Variants in COL26A1 observed in about 807,000 individuals in gnomAD.
COL26A1 encodes collagen type XXVI alpha 1 chain.
A neutral mutation model predicts 59.3 loss-of-function variants in COL26A1; 41 were observed. That is an observed-to-expected ratio of 0.69 (90% CI 0.54 to 0.90). The LOEUF is 0.90. Ranked by LOEUF, COL26A1 falls within the 40% of genes least tolerant of loss-of-function variation. The pLI, the probability that COL26A1 is intolerant of heterozygous loss-of-function variation, is 0.00. For synonymous variants in COL26A1, 266 were observed against 256.0 expected (o/e 1.04, Z -0.37); for missense variants, 612 against 602.3 (o/e 1.02, Z -0.17).
At chr7:101,514,425 G>A (rs1794987246) in intron 3 of COL26A1, among the ~76,000 whole-genome samples, 2 of 152,224 alleles carry the variant, frequency 1.3e-5, no homozygotes, top group Non-Finnish European at 1.5e-5. Flanking sequence ...CAGAGCTGCT[G>A]AGGTTTTGGA....
intron 3 of COL26A1, among the ~76,000 whole-genome samples, chr7:101,480,175 C>G (rs1402767628): frequency 6.6e-6 from 1 of 152,124 alleles, no homozygotes; most frequent in African/African-American, 2.4e-5. Context: ...TTCTCTCATT[C>G]TATCCTCTGA....
At position 101,363,120 on chromosome 7, in the gene COL26A1, G is replaced by A. The variant is rs753615515; in HGVS notation, c.88G>A (p.Ala30Thr). Residue 30 changes from alanine to threonine, a missense_variant, in exon 1 of 13, where the codon GCA becomes ACA. Transcript: ENST00000313669. Reference protein sequence around the residue: ...ATGFLYPFSAAALQQHGYPEP... With the variant: ...ATGFLYPFSATALQQHGYPEP... Reference sequence around the variant, plus strand: ...CGGCTTCCTCTATCCCTTCTCGGCCGCAGCTCTGCAGCAGCACGGCTACCC... The same window carrying A: ...CGGCTTCCTCTATCCCTTCTCGGCCACAGCTCTGCAGCAGCACGGCTACCC... The A allele has an allele frequency of 6.5e-6, 10 of 1,537,608 alleles. No homozygotes were observed. In the South Asian group the frequency reaches 7.2e-5, roughly 11 times the overall value.
At chr7:101,518,273 G>A (rs1795071854) in intron 3 of COL26A1, among the ~76,000 whole-genome samples, 1 of 152,182 alleles carries the variant, frequency 6.6e-6, no homozygotes, top group South Asian at 2.1e-4. Flanking sequence ...AGGAAGATGA[G>A]GCCTCACCTA....
intron 1 of COL26A1, among the ~76,000 whole-genome samples, chr7:101,364,840 G>GA (rs1224284479): frequency 6.6e-6 from 1 of 152,188 alleles, no homozygotes; most frequent in East Asian, 1.9e-4. Flanking sequence ...AAAATGCTGG[G>GA]ATTACAGGCG....
chr7:101,444,417 CT>C (rs71517174), intron 2 of COL26A1, among the ~76,000 whole-genome samples: 58,198 of 137,532 alleles, frequency 0.42, 13,282 homozygotes, highest in Middle Eastern at 0.56. Context: ...TTCCTTTCTT[CT>C]TTTTTTTTTT....
intron 1 of COL26A1, among the ~76,000 whole-genome samples, chr7:101,387,863 G>T (rs1791631363): frequency 6.7e-6 from 1 of 148,704 alleles, no homozygotes; most frequent in Non-Finnish European, 1.5e-5. Flanking sequence ...TCCATCTCCT[G>T]GGTTCAAGCG....
chr7:101,408,245 C>T (rs1792172420), intron 1 of COL26A1, among the ~76,000 whole-genome samples: 1 of 152,122 alleles, frequency 6.6e-6, no homozygotes, highest in Non-Finnish European at 1.5e-5. Flanking sequence ...GGGACTGAGG[C>T]AGGAATGAGC....
At chr7:101,475,626 T>C (rs1246806039) in intron 3 of COL26A1, among the ~76,000 whole-genome samples, 1 of 151,912 alleles carries the variant, frequency 6.6e-6, no homozygotes, top group Non-Finnish European at 1.5e-5. Context: ...GATGTGTGTG[T>C]GCGTATATTG....
chr7:101,372,385 C>T (rs536020442), intron 1 of COL26A1, among the ~76,000 whole-genome samples: 50 of 152,132 alleles, frequency 3.3e-4, no homozygotes, highest in African/African-American at 1.2e-3. Context: ...AGGTCTTGAA[C>T]TCCTGACGTC....
At chr7:101,545,093 C>T (rs565937565) in intron 6 of COL26A1, among the ~76,000 whole-genome samples, 16 of 152,186 alleles carry the variant, frequency 1.1e-4, no homozygotes, top group African/African-American at 3.1e-4. Flanking sequence ...TTTCACCGTC[C>T]CTGCCCCCCT....
intron 3 of COL26A1, among the ~76,000 whole-genome samples, chr7:101,489,693 C>CTT (rs775855627): frequency 0.15 from 1,808 of 11,786 alleles, 464 homozygotes; most frequent in African/African-American, 0.16. Flanking sequence ...TTCTTTCTTT[C>CTT]TTTCTGTCTT....
chr7:101,399,314 A>T (rs984623385), intron 1 of COL26A1, among the ~76,000 whole-genome samples: 15 of 150,308 alleles, frequency 1.0e-4, no homozygotes, highest in African/African-American at 2.5e-4. Context: ...CAAAAATTTT[A>T]AAAAAAGGAA....
intron 1 of COL26A1, among the ~76,000 whole-genome samples, chr7:101,380,291 C>T (rs1288031140): frequency 7.6e-6 from 1 of 131,840 alleles, no homozygotes; most frequent in African/African-American, 2.6e-5. Flanking sequence ...CACCCAGCTA[C>T]ATTTTTTTTT....
intron 1 of COL26A1, among the ~76,000 whole-genome samples, chr7:101,376,410 T>G (rs996930108): frequency 6.6e-6 from 1 of 152,174 alleles, no homozygotes; most frequent in African/African-American, 2.4e-5. Context: ...TCTTTCAGAC[T>G]GCACACCCTG....
chr7:101,433,272 C>A (rs1792824945), intron 2 of COL26A1, among the ~76,000 whole-genome samples: 1 of 152,034 alleles, frequency 6.6e-6, no homozygotes, highest in South Asian at 2.1e-4. Flanking sequence ...TGTAGTGAAC[C>A]AAGATCATAC....
intron 3 of COL26A1, among the ~76,000 whole-genome samples, chr7:101,484,384 T>C (rs1794223523): frequency 6.6e-6 from 1 of 151,846 alleles, no homozygotes; most frequent in African/African-American, 2.4e-5. Context: ...ATTATTATTA[T>C]TTTTGAGGCA....
At chr7:101,381,492 T>A (rs1791445112) in intron 1 of COL26A1, among the ~76,000 whole-genome samples, 1 of 152,172 alleles carries the variant, frequency 6.6e-6, no homozygotes, top group Non-Finnish European at 1.5e-5. Flanking sequence ...TAATTTATAA[T>A]GTATGAAAAT....
chr7:101,380,340 G>T (rs1209992532), intron 1 of COL26A1, among the ~76,000 whole-genome samples: 1 of 142,536 alleles, frequency 7.0e-6, no homozygotes, highest in East Asian at 2.1e-4. Context: ...CTGTCGCCCA[G>T]ACTGGAGTGC....
intron 3 of COL26A1, among the ~76,000 whole-genome samples, chr7:101,511,040 A>G (rs1794912670): frequency 6.6e-6 from 1 of 151,656 alleles, no homozygotes; most frequent in Non-Finnish European, 1.5e-5. Flanking sequence ...AGCTGGGACT[A>G]CAGGCGCCCA....
Sources: gnomAD v4.1 joint callset for allele counts (sites outside exome capture counted in the v4.1 genomes callset) on GRCh38, gnomAD v4.1.1 for gene constraint, MANE v1.5 for transcripts, NCBI Gene and HGNC (gene_info 2026-07-23, HGNC 2026-07-21) for gene names.